The following PTPRC variants were observed in gnomAD, a reference collection of about 807,000 sequenced individuals.
PTPRC encodes the protein receptor-type tyrosine-protein phosphatase C.
PTPRC carries 44 observed loss-of-function variants against 155.9 expected under a neutral mutation model. That is an observed-to-expected ratio of 0.28 (90% CI 0.22 to 0.36). The LOEUF is 0.36. PTPRC is among the 10% of genes least tolerant of loss of function. The pLI, the probability that PTPRC is intolerant of heterozygous loss-of-function variation, is 1.00. For synonymous variants in PTPRC, 525 were observed against 533.1 expected (o/e 0.98, Z 0.21); for missense variants, 1,401 against 1,564.6 (o/e 0.90, Z 1.76).
At chr1:198,680,404 G>A (rs1665248569) in intron 2 of PTPRC, among the ~76,000 whole-genome samples, 1 of 150,706 alleles carries the variant, frequency 6.6e-6, no homozygotes, top group Admixed American at 6.6e-5. Flanking sequence ...AGTGAGCTGA[G>A]ATAGTGCCAC....
At chr1:198,698,023 A>G (rs1220630910) in intron 4 of PTPRC, among the ~76,000 whole-genome samples, 2 of 152,196 alleles carry the variant, frequency 1.3e-5, no homozygotes, top group African/African-American at 4.8e-5. Context: ...TACAAAAGGA[A>G]TGCAAGGATG....
rs563488269 is a variant in PTPRC at position 198,697,028 on chromosome 1, C to T, written c.298+119C>T. 3.7e-5 allele frequency: 36 copies of T among 983,536 alleles called. No homozygotes were observed. In the East Asian group the frequency reaches 8.8e-4, roughly 24 times the overall value. The allele number at this position is 983,536 out of a possible 1,614,324, so 60.9% of individuals were successfully genotyped here. On this transcript the variant is annotated intron_variant, in intron 4 of 32. Transcript: ENST00000442510. ...CAGTTTCTAAGTATGTGATTTTATT[C>T]AAGTGCAGAAATTGCAGGAAATTAG...
At chr1:198,738,661 T>C (rs192994886) in intron 23 of PTPRC, among the ~76,000 whole-genome samples, 2 of 151,890 alleles carry the variant, frequency 1.3e-5, no homozygotes, top group Admixed American at 1.3e-4. Context: ...ATACTGGCCT[T>C]GCAGAATGAG....
intron 32 of PTPRC, 136 bp downstream of exon 32, chr1:198,754,540 T>C: frequency 9.6e-7 from 1 of 1,037,310 alleles, no homozygotes; most frequent in South Asian, 1.5e-5. Flanking sequence ...CTCTATTTTC[T>C]TTCCTATTCT....
rs572572144 is a variant in PTPRC at position 198,661,927 on chromosome 1, C to G, written c.73+22586C>G. Among the ~76,000 whole-genome samples the G allele has an allele frequency of 9.8e-5, 15 of 152,296 alleles. No individual in the cohort carries two copies. The South Asian group carries it at 2.3e-3, about 23-fold the overall frequency. ...ACCTCCGGTTAGCCTCCTCTGAATA[C>G]TCTTGGATTTCAATTTCATTTATAA... On this transcript the variant is annotated intron_variant, in intron 2 of 32. Coordinates refer to ENST00000442510, the MANE Select transcript of PTPRC (RefSeq NM_002838.5).
chr1:198,754,239 A>C (rs745307307), intron 31 of PTPRC, 30 bp from the exon 32 acceptor site: 1 of 1,590,790 alleles, frequency 6.3e-7, no homozygotes, highest in Admixed American at 1.7e-5. Flanking sequence ...GAGAAGTAGG[A>C]TTATTTTCTA....
At chr1:198,693,311 G>A (rs1221380868) in intron 3 of PTPRC, 5 of 280,968 alleles carry the variant, frequency 1.8e-5, no homozygotes, top group African/African-American at 6.9e-5. Context: ...ATTTTACAGC[G>A]TTTAGCATGG....
chr1:198,715,447 C>A (rs1397219249), intron 12 of PTPRC, among the ~76,000 whole-genome samples: 1 of 151,788 alleles, frequency 6.6e-6, no homozygotes, highest in Admixed American at 6.6e-5. Flanking sequence ...TGGAGAACTG[C>A]AGTTTTATCT....
intron 6 of PTPRC, among the ~76,000 whole-genome samples, chr1:198,702,871 G>A (rs1055319510): frequency 6.6e-6 from 1 of 152,104 alleles, no homozygotes; most frequent in African/African-American, 2.4e-5. Context: ...TTTGCTTTCT[G>A]TAAAAATGGA....
At chr1:198,710,601 T>C (rs968816361) in intron 11 of PTPRC, among the ~76,000 whole-genome samples, 2 of 152,226 alleles carry the variant, frequency 1.3e-5, no homozygotes, top group African/African-American at 2.4e-5. Flanking sequence ...TCTTCTTTAA[T>C]TTATTTTCAA....
At chr1:198,703,844 T>C in intron 7 of PTPRC, 1 of 178,872 alleles carries the variant, frequency 5.6e-6, no homozygotes, top group Non-Finnish European at 1.2e-5. Flanking sequence ...AAGCCCACAA[T>C]TCTCCTCAAA....
chr1:198,694,272 T>C, intron 3 of PTPRC: 1 of 778,154 alleles, frequency 1.3e-6, no homozygotes, highest in Non-Finnish European at 1.6e-6. Flanking sequence ...GTGCCTGCTT[T>C]TTCTAGCCGT....
intron 3 of PTPRC, chr1:198,694,059 C>T (rs1409967891): frequency 1.3e-6 from 2 of 1,549,264 alleles, no homozygotes; most frequent in Non-Finnish European, 1.7e-6. Flanking sequence ...ATCCAAGTCA[C>T]CAAACCTCAA....
intron 15 of PTPRC, 112 bp from the exon 16 acceptor site, chr1:198,728,228 C>A: frequency 2.5e-6 from 2 of 785,662 alleles, no homozygotes. Context: ...TTTTTAAAAC[C>A]TCACAATAAA....
intron 15 of PTPRC, 102 bp downstream of exon 15, chr1:198,722,578 C>G: frequency 1.7e-6 from 1 of 573,672 alleles, no homozygotes. Context: ...TTGTTAAATG[C>G]TTAAATAATA....
chr1:198,750,488 A>G lies in PTPRC; in HGVS notation c.3073-4A>G, dbSNP rs776481179. On this transcript the variant is annotated splice_polypyrimidine_tract_variant and splice_region_variant and intron_variant, in intron 28 of 32. Coordinates refer to ENST00000442510, the MANE Select transcript of PTPRC (RefSeq NM_002838.5). ...GAAGTCCCACCCTTTTTTTGTCTAA[A>G]AAGAGCTACTGGAAACCTGAAGTGA... 6.2e-7 allele frequency: 1 copy of G among 1,612,074 alleles called. No homozygotes were observed. Among genetic ancestry groups the G allele is most frequent in the South Asian group, 1.1e-5 (1 of 91,040 alleles).
At chr1:198,739,852 T>TA (rs141418006) in intron 23 of PTPRC, among the ~76,000 whole-genome samples, 3 of 151,224 alleles carry the variant, frequency 2.0e-5, no homozygotes, top group Admixed American at 6.6e-5. Flanking sequence ...CTTACAAAAT[T>TA]AAAAAAAAAT....
rs1232612642 is a variant in PTPRC, at chr1:198,757,401, A to ATTGTT, written c.*1222_*1226dup. ...GCCCCAATTATCCAATAGTCTAATA[A>ATTGTT]TTGTTTAAGATCTAGAAAAAAAAAA... On this transcript the variant is annotated 3_prime_UTR_variant, in exon 33 of 33. Coordinates refer to ENST00000442510, the MANE Select transcript of PTPRC (RefSeq NM_002838.5). 6.6e-6 allele frequency: 1 copy of ATTGTT among 150,620 alleles called. No individual in the cohort carries two copies. The highest frequency in any genetic ancestry group is 1.5e-5 in the Non-Finnish European group (1 of 67,404). The allele number at this position is 150,620 out of a possible 1,614,324, so 9.3% of individuals were successfully genotyped here.
intron 11 of PTPRC, among the ~76,000 whole-genome samples, chr1:198,711,203 A>C (rs1653293283): frequency 6.6e-6 from 1 of 152,214 alleles, no homozygotes; most frequent in South Asian, 2.1e-4. Flanking sequence ...ATACTTCTCC[A>C]AAATAATATA....
Sources: allele counts gnomAD v4.1 joint callset (sites outside exome capture counted in the v4.1 genomes callset), GRCh38; gene constraint gnomAD v4.1.1; transcripts MANE v1.5; gene names NCBI Gene and HGNC (gene_info 2026-07-23, HGNC 2026-07-21).